SYT16: variants seen among roughly 807,000 people sequenced by gnomAD.
The protein encoded by SYT16 is synaptotagmin-16.
SYT16 carries 42 observed loss-of-function variants against 61.4 expected under a neutral mutation model. That is an observed-to-expected ratio of 0.68 (90% CI 0.53 to 0.89). The LOEUF is 0.89. SYT16 is among the 40% of genes least tolerant of loss of function. SYT16 has a pLI of 0.00. For missense variants in SYT16, 804 were observed against 807.3 expected (o/e 1.00, Z 0.05); for synonymous variants, 314 against 302.3 (o/e 1.04, Z -0.40).
At chr14:61,903,200 C>T (rs2048582304) in intron 1 of SYT16, among the ~76,000 whole-genome samples, 1 of 152,034 alleles carries the variant, frequency 6.6e-6, no homozygotes, top group East Asian at 1.9e-4. Context: ...CTAGTATTTG[C>T]GATGACCCTG....
chr14:62,023,051 C>T (rs1461675842), intron 3 of SYT16, among the ~76,000 whole-genome samples: 2 of 152,038 alleles, frequency 1.3e-5, no homozygotes, highest in South Asian at 2.1e-4. Context: ...ATTTTCTCTT[C>T]GGTTTTATGT....
At chr14:61,849,257 G>T (rs2046536881) in intron 1 of SYT16, among the ~76,000 whole-genome samples, 13 of 152,060 alleles carry the variant, frequency 8.5e-5, no homozygotes, top group Non-Finnish European at 1.5e-5. Context: ...TTTTGGAGCT[G>T]TGAGCTGCAC....
At chr14:62,061,817 C>T (rs1398276403) in intron 3 of SYT16, among the ~76,000 whole-genome samples, 1 of 152,076 alleles carries the variant, frequency 6.6e-6, no homozygotes, top group Non-Finnish European at 1.5e-5. Context: ...ACCTCTTTCT[C>T]AGTAGCTGCT....
At chr14:62,041,009 A>G (rs1015584783) in intron 3 of SYT16, among the ~76,000 whole-genome samples, 1 of 152,184 alleles carries the variant, frequency 6.6e-6, no homozygotes, top group Non-Finnish European at 1.5e-5. Flanking sequence ...GCCGTCTGCA[A>G]GCTGAGGAGA....
chr14:62,085,724 G>A (rs2056863398), intron 7 of SYT16, among the ~76,000 whole-genome samples: 3 of 152,140 alleles, frequency 2.0e-5, no homozygotes, highest in Admixed American at 1.3e-4. Context: ...CCAGCACTTT[G>A]GATAACAGAA....
chr14:62,093,573 A>G (rs2057168733), intron 7 of SYT16, among the ~76,000 whole-genome samples: 1 of 152,116 alleles, frequency 6.6e-6, no homozygotes, highest in Non-Finnish European at 1.5e-5. Flanking sequence ...TTAATGACCA[A>G]TGAATTGGGC....
chr14:61,873,201 G>A (rs954040312), intron 1 of SYT16, among the ~76,000 whole-genome samples: 2 of 152,156 alleles, frequency 1.3e-5, no homozygotes, highest in African/African-American at 4.8e-5. Context: ...AGTCCCTAAT[G>A]TTTGCTATTG....
chr14:61,971,317 G>A (rs2051544873), intron 2 of SYT16, among the ~76,000 whole-genome samples: 1 of 152,114 alleles, frequency 6.6e-6, no homozygotes. Flanking sequence ...GGCTTAGTTG[G>A]GTGATTCTAG....
chr14:61,962,504 C>A (rs2051155391), intron 1 of SYT16, among the ~76,000 whole-genome samples: 2 of 151,984 alleles, frequency 1.3e-5, no homozygotes, highest in Admixed American at 1.3e-4. Context: ...TTTTTGTGTT[C>A]AATCTAGAGA....
At chr14:61,991,038 T>TA (rs1348894036) in intron 2 of SYT16, among the ~76,000 whole-genome samples, 1 of 152,198 alleles carries the variant, frequency 6.6e-6, no homozygotes, top group Non-Finnish European at 1.5e-5. Context: ...TATGGCTTTT[T>TA]AAAATCTTTA....
intron 1 of SYT16, chr14:61,831,903 C>T (rs2045948833): frequency 4.3e-5 from 21 of 486,672 alleles, no homozygotes; most frequent in South Asian, 2.8e-4. Context: ...ACTTGGCTGG[C>T]GAAGCCCTGC....
intron 3 of SYT16, among the ~76,000 whole-genome samples, chr14:62,054,997 A>G: frequency 6.6e-6 from 1 of 152,228 alleles, no homozygotes; most frequent in Non-Finnish European, 1.5e-5. Context: ...TGAGATTAAA[A>G]AAAATCTTTC....
intron 3 of SYT16, chr14:62,069,397 A>C: frequency 3.5e-6 from 2 of 574,762 alleles, no homozygotes; most frequent in Non-Finnish European, 6.2e-6. Context: ...TATATACCGT[A>C]TTTCTAATTA....
At chr14:61,826,294 G>T (rs1429423053) in intron 1 of SYT16, among the ~76,000 whole-genome samples, 1 of 152,012 alleles carries the variant, frequency 6.6e-6, no homozygotes, top group Non-Finnish European at 1.5e-5. Context: ...GAGGAAACTG[G>T]GGTACCCAGA....
Position 62,069,833 on chromosome 14 carries a change from T to A in SYT16, c.736+18T>A. On this transcript the variant is annotated intron_variant, in intron 4 of 7. Transcript: ENST00000683842. ...CTGCGAAGGTATCCTTTGCCTCACA[T>A]CCTTTCTTTAGACCAGGGATGGCCA... is the stretch of plus-strand genomic sequence containing the variant. The A allele has an allele frequency of 1.9e-6, 3 of 1,612,634 alleles. No homozygotes were observed. Among genetic ancestry groups the A allele is most frequent in the Non-Finnish European group, 2.5e-6 (3 of 1,179,576 alleles).
intron 3 of SYT16, among the ~76,000 whole-genome samples, chr14:62,066,887 G>T (rs551031111): frequency 7.2e-5 from 11 of 152,172 alleles, no homozygotes; most frequent in Admixed American, 6.5e-4. Flanking sequence ...TAATGCTGCC[G>T]TGGCATCCGA....
At chr14:61,876,305 A>G (rs2047489431) in intron 1 of SYT16, among the ~76,000 whole-genome samples, 1 of 152,248 alleles carries the variant, frequency 6.6e-6, no homozygotes, top group Non-Finnish European at 1.5e-5. Context: ...GAGATTGAAC[A>G]GCTTCCTCGC....
At chr14:61,942,422 A>G (rs1466226037) in intron 1 of SYT16, among the ~76,000 whole-genome samples, 1 of 152,210 alleles carries the variant, frequency 6.6e-6, no homozygotes, top group African/African-American at 2.4e-5. Context: ...GCTCTATTCA[A>G]TCTTCACTCT....
intron 3 of SYT16, among the ~76,000 whole-genome samples, chr14:61,998,549 T>C (rs1261088198): frequency 6.6e-6 from 1 of 152,036 alleles, no homozygotes; most frequent in Non-Finnish European, 1.5e-5. Context: ...AATTGCTGAA[T>C]CATATTCCAT....
Sources: allele counts gnomAD v4.1 joint callset (sites outside exome capture counted in the v4.1 genomes callset), GRCh38; gene constraint gnomAD v4.1.1; transcripts MANE v1.5; gene names NCBI Gene and HGNC (gene_info 2026-07-23, HGNC 2026-07-21).